The following GPRASP2 variants were observed in gnomAD, a reference collection of about 807,000 sequenced individuals.
GPRASP2 encodes G protein-coupled receptor associated sorting protein 2, also known as G protein-coupled receptor-associated sorting protein 2.
A neutral mutation model predicts 36.0 loss-of-function variants in GPRASP2; 10 were observed. That is an observed-to-expected ratio of 0.28 (90% confidence interval 0.17 to 0.47). The LOEUF is 0.47. Ranked by LOEUF, GPRASP2 falls within the 20% of genes least tolerant of loss-of-function variation. GPRASP2 has a pLI of 0.99. For synonymous variants in GPRASP2, 219 were observed against 230.5 expected, an observed-to-expected ratio of 0.95 and a Z score of 0.45; for missense variants, 538 against 626.7, an observed-to-expected ratio of 0.86 and a Z score of 1.51.
At position 102,715,286 on chromosome X, in the gene GPRASP2, G is replaced by A. The variant is rs1421203381; in HGVS notation, c.417G>A (p.Val139=). ...WAQSEFGTEA[V]SQAEGVSQTN... Reference sequence around the variant, plus strand: ...AGAGTGAATTTGGGACTGAAGCAGTGTCACAGGCAGAAGGAGTGTCCCAGA... The same window carrying A: ...AGAGTGAATTTGGGACTGAAGCAGTATCACAGGCAGAAGGAGTGTCCCAGA... Residue 139 remains valine (V), a synonymous_variant, in exon 5 of 5, where the codon GTG becomes GTA. Transcript: ENST00000483720. The A allele has an allele frequency of 3.4e-5, 41 of 1,211,721 alleles. No homozygotes were observed. The highest frequency in any genetic ancestry group is 4.6e-5 in the Non-Finnish European group (41 of 895,568).
At position 102,717,624 on chromosome X, in the gene GPRASP2, T is replaced by C. The variant is rs113047800; in HGVS notation, c.*238T>C. The C allele has an allele frequency of 4.3e-3, 1,570 of 361,607 alleles. 28 individuals carry two copies. The highest frequency in any genetic ancestry group is 0.039 in the African/African-American group (1,460 of 37,475). The allele number at this position is 361,607 out of a possible 1,213,427, so 29.8% of individuals were successfully genotyped here. On this transcript the variant is annotated 3_prime_UTR_variant, in exon 5 of 5. Transcript: ENST00000483720. ...GATTGCGGTATTTTTCAGTATTAAG[T>C]TTTCAATGAACTGTGTCACCTAAGT...
rs1159096369 is a variant in GPRASP2, at chrX:102,717,179, A to T, written c.2310A>T (p.Ile770=). 3 of 1,151,339 alleles carry T rather than the reference A, an allele frequency of 2.6e-6. No individual in the cohort carries two copies. The Admixed American group carries it at 8.0e-5, about 31-fold the overall frequency. 94.9% of individuals were successfully genotyped at this position (1,151,339 alleles called of 1,213,427 possible). The part of the protein sequence containing the change: ...ALSIFVGLFN[I]EETNDNIQIV... Reference sequence around the variant, plus strand: ...CAATATTTGTGGGTCTCTTTAACATAGAAGAGACAAATGATAATATTCAAA... The same window carrying T: ...CAATATTTGTGGGTCTCTTTAACATTGAAGAGACAAATGATAATATTCAAA... Residue 770 remains isoleucine, a synonymous_variant, in exon 5 of 5, where the codon ATA becomes ATT. Coordinates refer to ENST00000483720, the MANE Select transcript of GPRASP2 (RefSeq NM_001004051.4).
Position 102,717,666 on chromosome X carries a change from C to T in GPRASP2, c.*280C>T, listed in dbSNP as rs1408028685. The T allele has an allele frequency of 8.7e-6, 2 of 228,887 alleles. No homozygotes were observed. Among genetic ancestry groups the T allele is most frequent in the Non-Finnish European group, 1.6e-5 (2 of 125,387 alleles). 18.9% of individuals were successfully genotyped at this position (228,887 alleles called of 1,213,427 possible). On this transcript the variant is annotated 3_prime_UTR_variant, in exon 5 of 5. Transcript: ENST00000483720. ...CACCTAAGTAAGCTACCCTGCTATT[C>T]GTTGTTTAAATATATGGTTCTCTAT...
chrX:102,712,947 G>A (rs1358402326), intron 1 of GPRASP2, 183 bp from the exon 2 acceptor site: 2 of 112,707 alleles, frequency 1.8e-5, no homozygotes, highest in Non-Finnish European at 3.8e-5. Flanking sequence ...AGGCCGTTGG[G>A]GGGCGCCCGG....
At position 102,716,262 on chromosome X, in the gene GPRASP2, C is replaced by T; in HGVS notation, c.1393C>T (p.Pro465Ser). 1.7e-6 allele frequency: 2 copies of T among 1,212,024 alleles called. No individual in the cohort carries two copies. The highest frequency in any genetic ancestry group is 2.2e-6 in the Non-Finnish European group (2 of 895,630). ...DRDEACFDLN[P>S]CPVYKVSDRF... ...AGATGAGGCCTGCTTTGACCTAAAT[C>T]CCTGTCCTGTGTACAAGGTCAGTGA... The change falls in exon 5 of 5, where the codon CCC (proline) becomes TCC (serine). Residue 465 changes from proline to serine, a missense_variant. Transcript: ENST00000483720.
intron 1 of GPRASP2, 76 bp from the exon 2 acceptor site, chrX:102,713,054 T>TGG (rs901292993): frequency 3.6e-5 from 4 of 112,647 alleles, no homozygotes; most frequent in Non-Finnish European, 7.5e-5. Context: ...AAGGGGCCTG[T>TGG]GGGGCCCCAT....
rs1212846641 is a variant in GPRASP2 at position 102,715,399 on chromosome X, A to G, written c.530A>G (p.Asn177Ser). 2.5e-6 allele frequency: 3 copies of G among 1,211,067 alleles called. No individual in the cohort carries two copies. Among genetic ancestry groups the G allele is most frequent in the Non-Finnish European group, 3.4e-6 (3 of 895,471 alleles). Residue 177 changes from asparagine (N) to serine (S), a missense_variant, in exon 5 of 5, where the codon AAT (asparagine) becomes AGT (serine). Asn to Ser is a conservative substitution (Grantham distance 46). Coordinates refer to ENST00000483720, the MANE Select transcript of GPRASP2 (RefSeq NM_001004051.4). ...CTGTCTATGGATAGAGAACTAGTCA[A>G]TGTGGATGCTGAAACCTTTCCTGGC... ...KGLSMDRELV[N>S]VDAETFPGTQ...
Position 102,716,122 on chromosome X carries a change from T to C in GPRASP2, c.1253T>C (p.Ile418Thr), listed in dbSNP as rs753231672. ...GAGCCAGGAACTGAGGAGGGGGCCA[T>C]TGGCGGATCCGCGTACTGGGCTGAG... ...ESEPGTEEGA[I>T]GGSAYWAEEK... is the part of the protein sequence containing the mutation. The change falls in exon 5 of 5, where the codon ATT becomes ACT. Residue 418 changes from isoleucine to threonine, a missense_variant. Ile to Thr is a moderately conservative substitution (Grantham distance 89). Transcript: ENST00000483720. 8.4e-7 allele frequency: 1 copy of C among 1,195,526 alleles called. No individual in the cohort carries two copies. The highest frequency in any genetic ancestry group is 1.1e-6 in the Non-Finnish European group (1 of 888,422).
chrX:102,716,772 C>T lies in GPRASP2; in HGVS notation c.1903C>T (p.Arg635Ter). The change falls in exon 5 of 5, where the codon CGA becomes TGA. Residue 635 changes from arginine (R) to a stop codon, truncating the protein, a stop_gained. Coordinates refer to ENST00000483720, the MANE Select transcript of GPRASP2 (RefSeq NM_001004051.4). LOFTEE classifies it high-confidence loss of function. ...SASQFTRDFI[R>*]DSGVVSLIET... ...TTCTCAATTTACCCGAGATTTCATT[C>T]GAGATTCAGGTGTTGTCTCACTTAT... 1 of 1,212,110 alleles carries T rather than the reference C, an allele frequency of 8.3e-7. No homozygotes were observed. Among genetic ancestry groups the T allele is most frequent in the East Asian group, 3.0e-5 (1 of 33,874 alleles).
At position 102,715,887 on chromosome X, in the gene GPRASP2, G is replaced by A; in HGVS notation, c.1018G>A (p.Val340Ile). The A allele has an allele frequency of 1.7e-6, 2 of 1,211,987 alleles. No homozygotes were observed. The highest frequency in any genetic ancestry group is 3.5e-5 in the African/African-American group (2 of 57,819). ...SEDEFYKQSW[V>I]LPGEEANSRF... Reference sequence around the variant, plus strand: ...AGATGAGTTCTATAAGCAGTCCTGGGTTTTGCCTGGAGAAGAGGCCAATAG... The same window carrying A: ...AGATGAGTTCTATAAGCAGTCCTGGATTTTGCCTGGAGAAGAGGCCAATAG... Residue 340 changes from valine (V) to isoleucine (I), a missense_variant, in exon 5 of 5, where the codon GTT (valine) becomes ATT (isoleucine). Transcript: ENST00000483720.
intron 1 of GPRASP2, 49 bp from the exon 2 acceptor site, chrX:102,713,081 C>T (rs1374839696): frequency 8.9e-6 from 1 of 112,877 alleles, no homozygotes; most frequent in Non-Finnish European, 1.9e-5. Flanking sequence ...GGTGCCTTCC[C>T]TTCCCACAGG....
Position 102,717,670 on chromosome X carries a change from G to T in GPRASP2, c.*284G>T. On this transcript the variant is annotated 3_prime_UTR_variant, in exon 5 of 5. Transcript: ENST00000483720. ...TAAGTAAGCTACCCTGCTATTCGTT[G>T]TTTAAATATATGGTTCTCTATTTGA... 1 of 225,362 alleles carries T rather than the reference G, an allele frequency of 4.4e-6. No individual in the cohort carries two copies. 18.6% of individuals were successfully genotyped at this position (225,362 alleles called of 1,213,427 possible).
rs1414382821 is a variant in GPRASP2 at position 102,712,466 on chromosome X, G to C, written c.-654G>C. On this transcript the variant is annotated 5_prime_UTR_variant, in exon 1 of 5. Coordinates refer to ENST00000483720, the MANE Select transcript of GPRASP2 (RefSeq NM_001004051.4). ...GGGACGCGTCTTTCCCGTTCGGATC[G>C]CGGGGAAAGCAGTGGCTCCAAGTGA... The C allele has an allele frequency of 2.7e-5, 3 of 113,044 alleles. No homozygotes were observed. The Admixed American group carries it at 2.8e-4, about 10-fold the overall frequency. The allele number at this position is 113,044 out of a possible 1,213,427, so 9.3% of individuals were successfully genotyped here.
intron 1 of GPRASP2, among the ~76,000 whole-genome samples, chrX:102,712,912 G>A (rs2081895121): frequency 1.8e-5 from 2 of 112,804 alleles, no homozygotes; most frequent in African/African-American, 6.4e-5. Flanking sequence ...TGGCGGAGCG[G>A]GAGCCGCTGT....
Position 102,717,344 on chromosome X carries a change from A to C in GPRASP2, c.2475A>C (p.Gln825His), listed in dbSNP as rs1156549942. ...AGTTAGCTAAGCAACTACAAGCCCAAATAGACAACCAAAATGATCCTGAGG... is the reference window on the plus strand; with the variant it reads ...AGTTAGCTAAGCAACTACAAGCCCACATAGACAACCAAAATGATCCTGAGG... Reference protein sequence around the residue: ...FEELAKQLQAQIDNQNDPEVG... With the variant: ...FEELAKQLQAHIDNQNDPEVG... Residue 825 changes from glutamine to histidine, a missense_variant, in exon 5 of 5, where the codon CAA (glutamine) becomes CAC (histidine). By Grantham distance (24) the Gln-to-His change is conservative (BLOSUM62 0). Transcript: ENST00000483720. The C allele has an allele frequency of 9.2e-7, 1 of 1,084,411 alleles. No homozygotes were observed. Among genetic ancestry groups the C allele is most frequent in the Non-Finnish European group, 1.2e-6 (1 of 832,691 alleles). The allele number at this position is 1,084,411 out of a possible 1,213,427, so 89.4% of individuals were successfully genotyped here.
At position 102,716,287 on chromosome X, in the gene GPRASP2, A is replaced by G. The variant is rs775536540; in HGVS notation, c.1418A>G (p.Asp473Gly). ...CCCTGTCCTGTGTACAAGGTCAGTG[A>G]TAGGTTCAGAGATGCAGCTGAGGAG... ...LNPCPVYKVS[D>G]RFRDAAEELN... Residue 473 changes from aspartate (D) to glycine (G), a missense_variant, in exon 5 of 5, where the codon GAT becomes GGT. Transcript: ENST00000483720. The G allele has an allele frequency of 9.1e-6, 11 of 1,211,982 alleles. No individual in the cohort carries two copies. The highest frequency in any genetic ancestry group is 1.1e-5 in the Non-Finnish European group (10 of 895,601).
Position 102,715,063 on chromosome X carries a change from A to G in GPRASP2, c.194A>G (p.Glu65Gly). The part of the protein sequence containing the change: ...KSVPAARPKT[E>G]AQAMSGARPK... Reference sequence around the variant, plus strand: ...GTGCCTGCGGCAAGGCCCAAAACTGAGGCCCAAGCAATGTCTGGGGCAAGG... The same window carrying G: ...GTGCCTGCGGCAAGGCCCAAAACTGGGGCCCAAGCAATGTCTGGGGCAAGG... Residue 65 changes from glutamate (E) to glycine (G), a missense_variant, in exon 5 of 5, where the codon GAG becomes GGG. By Grantham distance (98) the Glu-to-Gly change is moderately conservative. Coordinates refer to ENST00000483720, the MANE Select transcript of GPRASP2 (RefSeq NM_001004051.4). 1.6e-6 allele frequency: 2 copies of G among 1,212,525 alleles called. No homozygotes were observed. Among genetic ancestry groups the G allele is most frequent in the Non-Finnish European group, 2.2e-6 (2 of 895,602 alleles).
chrX:102,715,620 G>A lies in GPRASP2; in HGVS notation c.751G>A (p.Glu251Lys). The A allele has an allele frequency of 8.3e-7, 1 of 1,211,699 alleles. No homozygotes were observed. The highest frequency in any genetic ancestry group is 1.1e-6 in the Non-Finnish European group (1 of 895,550). The change falls in exon 5 of 5, where the codon GAG (glutamate) becomes AAG (lysine). Residue 251 changes from glutamate (E) to lysine (K), a missense_variant. Glu to Lys is a moderately conservative substitution (Grantham distance 56, BLOSUM62 1). This residue lies in a region of GPRASP2 where 276 missense variants were observed against 275.0 expected (regional missense o/e 1.00). Transcript: ENST00000483720. ...ETSVRSWPRE[E>K]SNTRSRHRAK... ...AAGTGTCAGATCATGGCCCAGGGAA[G>A]AGTCCAATACCAGGTCCAGGCACAG...
Position 102,715,730 on chromosome X carries a change from G to A in GPRASP2, c.861G>A (p.Glu287=), listed in dbSNP as rs146614457. The change falls in exon 5 of 5, where the codon GAG becomes GAA. Residue 287 remains glutamate, a synonymous_variant. Coordinates refer to ENST00000483720, the MANE Select transcript of GPRASP2 (RefSeq NM_001004051.4). ...YVDSWSGSED[E]ASNPFSFWVG... The stretch of plus-strand genomic sequence containing the variant: ...ATTCCTGGTCTGGATCTGAGGATGA[G>A]GCCAGCAACCCATTCTCCTTCTGGG... The A allele has an allele frequency of 9.7e-4, 1,173 of 1,210,269 alleles. 1 individual carries two copies. The highest frequency in any genetic ancestry group is 1.2e-3 in the Middle Eastern group (5 of 4,345).
Sources: allele counts gnomAD v4.1 joint callset (sites outside exome capture counted in the v4.1 genomes callset), GRCh38; gene constraint gnomAD v4.1.1; regional missense constraint gnomAD v4.1.1; transcripts MANE v1.5; gene names NCBI Gene and HGNC (gene_info 2026-07-23, HGNC 2026-07-21).